The following LRRC56 variants were observed in gnomAD, a reference collection of about 807,000 sequenced individuals.
LRRC56 encodes the protein leucine-rich repeat-containing protein 56.
Under a neutral mutation model 47.8 loss-of-function variants are expected in LRRC56, and 41 were observed. The observed-to-expected ratio is 0.86, with a 90% CI of 0.67 to 1.11. The LOEUF is 1.11. Ranked by LOEUF, LRRC56 falls within the 50% of genes most tolerant of loss-of-function variation. The pLI is 0.00. For missense variants in LRRC56, 759 were observed against 704.2 expected (o/e 1.08, Z -0.88); for synonymous variants, 387 against 311.2 (o/e 1.24, Z -2.56).
upstream of LRRC56, chr11:534,320 C>T: frequency 6.2e-7 from 1 of 1,611,608 alleles, no homozygotes; most frequent in Non-Finnish European, 8.5e-7. Flanking sequence ...TATATTCCGT[C>T]ATCGCTCCTC....
the LRRC56 span, among the ~76,000 whole-genome samples, chr11:516,881 C>T: frequency 6.6e-6 from 1 of 152,170 alleles, no homozygotes. Flanking sequence ...CTTCGGTCTC[C>T]CTCTGTTGCC....
intron 6 of LRRC56, among the ~76,000 whole-genome samples, chr11:547,544 A>G (rs71469806): frequency 0.18 from 27,882 of 151,126 alleles, 2,887 homozygotes; most frequent in Admixed American, 0.26. Flanking sequence ...AGTAGAGACG[A>G]GGTTTCACCA....
chr11:543,107 G>A (rs1188200089), intron 5 of LRRC56, among the ~76,000 whole-genome samples: 5 of 151,636 alleles, frequency 3.3e-5, no homozygotes, highest in Non-Finnish European at 5.9e-5. Flanking sequence ...GGCCAGGCTG[G>A]TCTTGAACTC....
At chr11:550,776 T>A (rs200174570) in intron 8 of LRRC56, among the ~76,000 whole-genome samples, 1 of 152,216 alleles carries the variant, frequency 6.6e-6, no homozygotes, top group East Asian at 1.9e-4. Context: ...CCTCATTAGC[T>A]GCTGCTTGGT....
chr11:527,981 G>T, the LRRC56 span, among the ~76,000 whole-genome samples: 19 of 150,476 alleles, frequency 1.3e-4, no homozygotes, highest in Non-Finnish European at 2.1e-4. Flanking sequence ...GATTACAGGC[G>T]TGAGCCACCG....
the LRRC56 span, chr11:507,353 G>T: frequency 6.6e-6 from 1 of 152,098 alleles, no homozygotes; most frequent in East Asian, 1.9e-4. Context: ...GGGCCCGGCG[G>T]GCGGGGCTCG....
upstream of LRRC56, chr11:532,540 GAGGCTGCTGACCGC>G (rs1851164351): frequency 1.3e-6 from 2 of 1,526,944 alleles, no homozygotes. Flanking sequence ...GGGCACAAGG[GAGGCTGCTGACCGC>G]AGGCCAGGAG....
chr11:507,931 C>G, the LRRC56 span, among the ~76,000 whole-genome samples: 2 of 152,254 alleles, frequency 1.3e-5, no homozygotes, highest in Admixed American at 6.5e-5. Flanking sequence ...ACTCTGCTGC[C>G]GACACCCGAG....
chr11:552,261 G>A, intron 12 of LRRC56, 29 bp downstream of exon 12: 1 of 1,596,380 alleles, frequency 6.3e-7, no homozygotes. Flanking sequence ...CTTCCACTGG[G>A]TGTGTCCTGT....
In LRRC56 at chr11:538,451, T is replaced by C. The variant is rs567247896; in HGVS notation, c.-421-147T>C. On this transcript the variant is annotated intron_variant, in intron 1 of 13. Coordinates refer to ENST00000270115, the MANE Select transcript of LRRC56 (RefSeq NM_198075.4). Reference sequence around the variant, plus strand: ...AGAAAGGCAGGCAGTGGGGGAGATTTGGGCTGGAAACTCCATGAGATTCTG... The same window carrying C: ...AGAAAGGCAGGCAGTGGGGGAGATTCGGGCTGGAAACTCCATGAGATTCTG... The C allele has an allele frequency of 2.7e-3, 419 of 152,456 alleles. 1 individual carries two copies. The highest frequency in any genetic ancestry group is 4.8e-3 in the Non-Finnish European group (326 of 68,182). The allele number at this position is 152,456 out of a possible 1,614,324, so 9.4% of individuals were successfully genotyped here.
At chr11:518,746 A>T in the LRRC56 span, among the ~76,000 whole-genome samples, 1 of 152,144 alleles carries the variant, frequency 6.6e-6, no homozygotes, top group East Asian at 1.9e-4. Flanking sequence ...GACGCCCAGG[A>T]GCCGGCCCCG....
chr11:537,041 T>G (rs941822937), upstream of LRRC56: 3 of 152,260 alleles, frequency 2.0e-5, no homozygotes, highest in African/African-American at 7.2e-5. Context: ...GTGTGTTTCC[T>G]GGTCCTCGGG....
intron 8 of LRRC56, among the ~76,000 whole-genome samples, chr11:550,563 C>T (rs1852332026): frequency 6.6e-6 from 1 of 152,196 alleles, no homozygotes; most frequent in Admixed American, 6.5e-5. Flanking sequence ...CAAAGAACCA[C>T]GTGTACACGG....
At chr11:537,199 G>A (rs1289835468), upstream of LRRC56, 1 of 152,284 alleles carries the variant, frequency 6.6e-6, no homozygotes, top group Non-Finnish European at 1.5e-5. Flanking sequence ...GCCCCGCGTG[G>A]GAAGCGCCAG....
At chr11:510,741 A>G in the LRRC56 span, among the ~76,000 whole-genome samples, 1 of 149,292 alleles carries the variant, frequency 6.7e-6, no homozygotes, top group African/African-American at 2.5e-5. Flanking sequence ...CTCCATCTCA[A>G]AAAAAAAATA....
the LRRC56 span, among the ~76,000 whole-genome samples, chr11:518,078 C>A: frequency 1.3e-5 from 2 of 152,158 alleles, no homozygotes; most frequent in African/African-American, 4.8e-5. Context: ...CCTTTGTTCA[C>A]GTGTTTATCT....
chr11:519,042 A>C, the LRRC56 span, among the ~76,000 whole-genome samples: 4 of 150,836 alleles, frequency 2.7e-5, no homozygotes, highest in Non-Finnish European at 6.0e-5. Flanking sequence ...CCGCGAGGGC[A>C]GCTCCCGTGT....
chr11:551,165 G>A lies in LRRC56; in HGVS notation c.659G>A (p.Arg220Lys). Residue 220 changes from arginine to lysine, a missense_variant, in exon 9 of 14, where the codon AGG becomes AAG. Arg to Lys is a conservative substitution (Grantham distance 26). Transcript: ENST00000270115. ...PRGYNYRAEVRKLIPQLQVLD... is the reference protein window; with the variant it reads ...PRGYNYRAEVKKLIPQLQVLD... ...GGCTACAACTACAGGGCAGAGGTGAGGAAGCTCATTCCCCAGCTGCAGGTC... is the reference window on the plus strand; with the variant it reads ...GGCTACAACTACAGGGCAGAGGTGAAGAAGCTCATTCCCCAGCTGCAGGTC... The A allele has an allele frequency of 6.5e-7, 1 of 1,541,380 alleles. No individual in the cohort carries two copies. The highest frequency in any genetic ancestry group is 8.8e-7 in the Non-Finnish European group (1 of 1,141,296).
the LRRC56 span, among the ~76,000 whole-genome samples, chr11:524,787 G>A: frequency 6.6e-6 from 1 of 151,820 alleles, no homozygotes; most frequent in Admixed American, 6.6e-5. Context: ...AGACAATCTT[G>A]TATAAGTATA....
Sources: allele counts gnomAD v4.1 joint callset (sites outside exome capture counted in the v4.1 genomes callset), GRCh38; gene constraint gnomAD v4.1.1; transcripts MANE v1.5; gene names NCBI Gene and HGNC (gene_info 2026-07-23, HGNC 2026-07-21).